SH3BGRL2: variants seen among roughly 807,000 people sequenced by gnomAD.
SH3BGRL2 encodes the protein SH3 domain binding glutamate rich protein like 2.
In SH3BGRL2, 21 loss-of-function variants were observed where a neutral mutation model predicts 14.8. That is an observed-to-expected ratio of 1.42 (90% CI 1.01 to 2.05). The LOEUF is 2.05. Among genes scored for constraint, SH3BGRL2 ranks in the 30% most tolerant of loss-of-function variants. The probability of loss-of-function intolerance (pLI) is 0.00; values close to 1 mark genes in which losing one functional copy is unlikely to be tolerated. For missense variants in SH3BGRL2, 147 were observed against 130.8 expected (o/e 1.12, Z -0.61); for synonymous variants, 50 against 47.8 (o/e 1.05, Z -0.19).
At chr6:79,550,959 C>T in the SH3BGRL2 span, among the ~76,000 whole-genome samples, 1 of 152,084 alleles carries the variant, frequency 6.6e-6, no homozygotes. Context: ...ACAAAACCAG[C>T]GAAGATTTTC....
At chr6:79,578,602 A>C in the SH3BGRL2 span, among the ~76,000 whole-genome samples, 1 of 151,476 alleles carries the variant, frequency 6.6e-6, no homozygotes, top group Non-Finnish European at 1.5e-5. Context: ...GAATAGCATC[A>C]ACATCAACAA....
the SH3BGRL2 span, among the ~76,000 whole-genome samples, chr6:79,571,043 G>A: frequency 6.6e-6 from 1 of 152,206 alleles, no homozygotes; most frequent in African/African-American, 2.4e-5. Flanking sequence ...CCTGTTTGTT[G>A]TTATTGTTGT....
At chr6:79,633,854 A>G (rs557163339) in intron 1 of SH3BGRL2, among the ~76,000 whole-genome samples, 134 of 152,348 alleles carry the variant, frequency 8.8e-4, no homozygotes, top group Admixed American at 2.2e-3. Flanking sequence ...CAGTGAGGAT[A>G]TTTAGGTCAA....
intron 1 of SH3BGRL2, among the ~76,000 whole-genome samples, chr6:79,660,499 G>A (rs567084945): frequency 4.9e-4 from 74 of 152,244 alleles, no homozygotes; most frequent in African/African-American, 1.4e-3. Flanking sequence ...CGACCTGATC[G>A]TGGTGGATAA....
the SH3BGRL2 span, among the ~76,000 whole-genome samples, chr6:79,581,909 C>T: frequency 6.6e-6 from 1 of 152,174 alleles, no homozygotes; most frequent in African/African-American, 2.4e-5. Context: ...CCAAAATCTC[C>T]TTAAGCTGAT....
intron 1 of SH3BGRL2, 47 bp downstream of exon 1, chr6:79,631,553 G>T (rs1768824638): frequency 1.5e-6 from 2 of 1,355,960 alleles, no homozygotes; most frequent in Non-Finnish European, 9.6e-7. Context: ...CGGGGCGCGG[G>T]TCCTGCGGGA....
the SH3BGRL2 span, chr6:79,573,943 CTT>C: frequency 1.3e-5 from 2 of 152,074 alleles, no homozygotes; most frequent in Non-Finnish European, 2.9e-5. Context: ...TGTATTTCCT[CTT>C]GAATTCTCTA....
At chr6:79,564,563 T>G in the SH3BGRL2 span, among the ~76,000 whole-genome samples, 313 of 152,310 alleles carry the variant, frequency 2.1e-3, 7 homozygotes, top group Admixed American at 0.02. Context: ...GTTAGTATGC[T>G]TTCCAAAATA....
chr6:79,557,207 T>A, the SH3BGRL2 span, among the ~76,000 whole-genome samples: 1 of 151,812 alleles, frequency 6.6e-6, no homozygotes, highest in African/African-American at 2.4e-5. Flanking sequence ...AAAATAAAAA[T>A]TTTTTACTTT....
chr6:79,683,728 T>G (rs1043210713), intron 2 of SH3BGRL2, among the ~76,000 whole-genome samples: 20 of 152,236 alleles, frequency 1.3e-4, no homozygotes, highest in African/African-American at 4.6e-4. Flanking sequence ...ATTACAGGCG[T>G]GAGCCACCGT....
the SH3BGRL2 span, among the ~76,000 whole-genome samples, chr6:79,562,290 T>C: frequency 6.6e-6 from 1 of 152,178 alleles, no homozygotes; most frequent in Non-Finnish European, 1.5e-5. Context: ...AGAAGATACT[T>C]CCTGTATTAC....
chr6:79,625,404 A>T, the SH3BGRL2 span, among the ~76,000 whole-genome samples: 1 of 152,170 alleles, frequency 6.6e-6, no homozygotes, highest in Non-Finnish European at 1.5e-5. Context: ...ATAAAGCAGT[A>T]GATAAATTCT....
the SH3BGRL2 span, among the ~76,000 whole-genome samples, chr6:79,615,850 A>G: frequency 3.7e-5 from 1 of 26,986 alleles, no homozygotes; most frequent in Non-Finnish European, 8.7e-5. Flanking sequence ...TTTTTTTTTT[A>G]GACAAGAGTT....
chr6:79,632,932 C>G (rs2127721741), intron 1 of SH3BGRL2, among the ~76,000 whole-genome samples: 1 of 152,312 alleles, frequency 6.6e-6, no homozygotes, highest in African/African-American at 2.4e-5. Context: ...ATAATTGTCC[C>G]AATAGCATTA....
At chr6:79,601,421 C>G in the SH3BGRL2 span, among the ~76,000 whole-genome samples, 1 of 152,208 alleles carries the variant, frequency 6.6e-6, no homozygotes, top group Non-Finnish European at 1.5e-5. Context: ...GTCTCCCACT[C>G]CTGGGCTCAA....
chr6:79,623,532 A>G, the SH3BGRL2 span, among the ~76,000 whole-genome samples: 3 of 152,208 alleles, frequency 2.0e-5, no homozygotes, highest in African/African-American at 7.2e-5. Flanking sequence ...ATTTAAACCC[A>G]AAGACTGTCA....
intron 2 of SH3BGRL2, among the ~76,000 whole-genome samples, chr6:79,687,106 C>G (rs1770112323): frequency 6.6e-6 from 1 of 152,174 alleles, no homozygotes; most frequent in African/African-American, 2.4e-5. Context: ...AAAAAACTGT[C>G]TAAGCCATTA....
chr6:79,615,722 A>G, the SH3BGRL2 span, among the ~76,000 whole-genome samples: 2 of 151,780 alleles, frequency 1.3e-5, no homozygotes, highest in South Asian at 2.1e-4. Context: ...AATAAACTAT[A>G]CCCATCTAAA....
At chr6:79,566,732 A>G in the SH3BGRL2 span, among the ~76,000 whole-genome samples, 16 of 152,214 alleles carry the variant, frequency 1.1e-4, no homozygotes, top group Middle Eastern at 0.01. Flanking sequence ...CCTGATCAAC[A>G]TAGTGAGACC....
Sources: allele counts gnomAD v4.1 joint callset (sites outside exome capture counted in the v4.1 genomes callset), GRCh38; gene constraint gnomAD v4.1.1; transcripts MANE v1.5; gene names NCBI Gene and HGNC (gene_info 2026-07-23, HGNC 2026-07-21).